ASNS: variants seen among roughly 807,000 people sequenced by gnomAD.
ASNS encodes asparagine synthetase (glutamine-hydrolyzing).
ASNS carries 37 observed loss-of-function variants against 62.6 expected under a neutral mutation model. The observed-to-expected ratio is 0.59, with a 90% CI of 0.45 to 0.78. ASNS has a LOEUF of 0.78. Ranked by LOEUF, ASNS falls within the 30% of genes least tolerant of loss-of-function variation. ASNS has a pLI of 0.00. For synonymous variants in ASNS, 207 were observed against 237.9 expected (o/e 0.87, Z 1.19); for missense variants, 520 against 682.4 (o/e 0.76, Z 2.65).
the ASNS span, among the ~76,000 whole-genome samples, chr7:97,907,006 A>G: frequency 6.6e-6 from 1 of 152,198 alleles, no homozygotes; most frequent in Admixed American, 6.5e-5. Flanking sequence ...CAGTCTACCA[A>G]TTAAGGGTTA....
At chr7:97,913,974 A>AG in the ASNS span, among the ~76,000 whole-genome samples, 1 of 151,392 alleles carries the variant, frequency 6.6e-6, no homozygotes, top group African/African-American at 2.4e-5. Flanking sequence ...ATGCACGGGT[A>AG]GGGGGATAGA....
chr7:97,858,361 G>A lies in ASNS; in HGVS notation c.820C>T (p.Leu274=). The A allele has an allele frequency of 6.2e-7, 1 of 1,614,126 alleles. No individual in the cohort carries two copies. The highest frequency in any genetic ancestry group is 1.1e-5 in the South Asian group (1 of 91,076). The change falls in exon 7 of 13, where the codon CTG becomes TTG. Residue 274 remains leucine, a synonymous_variant. Transcript: ENST00000394308. ...GGATACTGTACTTGGGCTTCTTTCA[G>A]CTGCTTCAACAGAGTGGCAGCAACC... ...SLVAATLLKQ[L]KEAQVQYPLQ... is the part of the protein sequence containing the mutation.
intron 1 of ASNS, among the ~76,000 whole-genome samples, chr7:97,871,054 A>G (rs1156256421): frequency 6.6e-6 from 1 of 152,258 alleles, no homozygotes; most frequent in Non-Finnish European, 1.5e-5. Context: ...CAATAAATAT[A>G]TATGTAAGCC....
the ASNS span, among the ~76,000 whole-genome samples, chr7:97,927,107 A>G: frequency 9.1e-6 from 1 of 110,468 alleles, no homozygotes; most frequent in Admixed American, 1.3e-4. Context: ...TTTGGTAGAT[A>G]TGAGGCTTCA....
upstream of ASNS, among the ~76,000 whole-genome samples, chr7:97,875,109 A>G (rs1792410951): frequency 6.6e-6 from 1 of 152,210 alleles, no homozygotes; most frequent in Admixed American, 6.5e-5. Flanking sequence ...CTGGTGCAGT[A>G]ACGACAATCC....
chr7:97,912,829 C>T, the ASNS span, among the ~76,000 whole-genome samples: 1 of 151,660 alleles, frequency 6.6e-6, no homozygotes, highest in East Asian at 1.9e-4. Flanking sequence ...TGATCCAACC[C>T]CCTAAGCCTC....
At chr7:97,889,927 CAAAA>C in the ASNS span, among the ~76,000 whole-genome samples, 22 of 38,566 alleles carry the variant, frequency 5.7e-4, no homozygotes, top group African/African-American at 2.2e-3. Flanking sequence ...ATAATGAATA[CAAAA>C]AAAAAAAAAA....
the ASNS span, among the ~76,000 whole-genome samples, chr7:97,878,752 C>A: frequency 6.6e-6 from 1 of 152,192 alleles, no homozygotes; most frequent in South Asian, 2.1e-4. Context: ...CCATCCCCAT[C>A]AAGCTACCAA....
At chr7:97,917,212 G>T in the ASNS span, among the ~76,000 whole-genome samples, 1 of 80,642 alleles carries the variant, frequency 1.2e-5, no homozygotes, top group Non-Finnish European at 2.2e-5. Context: ...GGATATATTT[G>T]CACCAAAAAA....
rs1459105467 is a variant in ASNS, at chr7:97,852,478, TA to T, written c.1477-11del. 1.2e-6 allele frequency: 2 copies of T among 1,613,428 alleles called. No individual in the cohort carries two copies. Among genetic ancestry groups the T allele is most frequent in the Non-Finnish European group, 1.7e-6 (2 of 1,179,362 alleles). On this transcript the variant is annotated splice_polypyrimidine_tract_variant and intron_variant, in intron 12 of 12. Transcript: ENST00000394308. Reference sequence around the variant, plus strand: ...TCATTGCATCATCAACCTGTAAGAATAAGCATATAAGAGCAAAATGGCTTAA... The same window carrying T: ...TCATTGCATCATCAACCTGTAAGAATAGCATATAAGAGCAAAATGGCTTAA...
the ASNS span, among the ~76,000 whole-genome samples, chr7:97,911,362 G>A: frequency 6.6e-6 from 1 of 151,988 alleles, no homozygotes; most frequent in Non-Finnish European, 1.5e-5. Context: ...ACCTTGGCCA[G>A]GCACAGCAGC....
chr7:97,859,340 A>G lies in ASNS; in HGVS notation c.546T>C (p.Pro182=). 1.2e-6 allele frequency: 2 copies of G among 1,614,054 alleles called. No individual in the cohort carries two copies. The highest frequency in any genetic ancestry group is 1.7e-6 in the Non-Finnish European group (2 of 1,179,970). The part of the protein sequence containing the change: ...TPFLKVEPFL[P]GHYEVLDLKP... ...TTAAATCCAAAACTTCATAGTGTCC[A>G]GGAAGAAAAGGCTCCACTTTTAAAA... The change falls in exon 5 of 13, where the codon CCT becomes CCC. Residue 182 remains proline (P), a synonymous_variant. Transcript: ENST00000394308.
the ASNS span, among the ~76,000 whole-genome samples, chr7:97,878,054 A>C: frequency 0.31 from 47,617 of 152,046 alleles, 7,623 homozygotes; most frequent in East Asian, 0.44. Flanking sequence ...GCGCCAGGTG[A>C]TGGCGTAGGA....
chr7:97,924,806 G>T, the ASNS span, among the ~76,000 whole-genome samples: 2 of 152,240 alleles, frequency 1.3e-5, no homozygotes, highest in African/African-American at 2.4e-5. Flanking sequence ...AATGTAAAAA[G>T]ATATTGCCCA....
chr7:97,923,727 G>A, the ASNS span, among the ~76,000 whole-genome samples: 1 of 152,134 alleles, frequency 6.6e-6, no homozygotes, highest in Non-Finnish European at 1.5e-5. Context: ...TGAGTCCAAC[G>A]TCAACTTCCT....
At chr7:97,898,641 A>C in the ASNS span, 1 of 660,116 alleles carries the variant, frequency 1.5e-6, no homozygotes, top group Non-Finnish European at 2.8e-6. Flanking sequence ...GATTTGGCAG[A>C]CTGATGGTGC....
the ASNS span, among the ~76,000 whole-genome samples, chr7:97,896,317 A>C: frequency 6.6e-6 from 1 of 151,808 alleles, no homozygotes; most frequent in Non-Finnish European, 1.5e-5. Flanking sequence ...AGGCCGGGCG[A>C]GGTGGCTCAA....
At chr7:97,896,632 ATATATATATATATGTGTATATATACG>A in the ASNS span, among the ~76,000 whole-genome samples, 1 of 136,572 alleles carries the variant, frequency 7.3e-6, no homozygotes, top group Non-Finnish European at 1.6e-5. Context: ...ATATATATGT[ATATATATATATATGTGTATATATACG>A]TATATATGTA....
chr7:97,883,971 G>A, the ASNS span, among the ~76,000 whole-genome samples: 31 of 132,534 alleles, frequency 2.3e-4, no homozygotes, highest in African/African-American at 6.4e-4. Context: ...CTGGGCGACA[G>A]AGTGAGACTC....
Sources: gnomAD v4.1 joint callset for allele counts (sites outside exome capture counted in the v4.1 genomes callset) on GRCh38, gnomAD v4.1.1 for gene constraint, MANE v1.5 for transcripts, NCBI Gene and HGNC (gene_info 2026-07-23, HGNC 2026-07-21) for gene names.